Variants in EDF1 observed in about 807,000 individuals in gnomAD.
EDF1 encodes the protein endothelial differentiation related factor 1.
A neutral mutation model predicts 20.8 loss-of-function variants in EDF1; 5 were observed. The observed-to-expected ratio is 0.24, with a 90% CI of 0.13 to 0.51. The LOEUF is 0.51. EDF1 is among the 20% of genes least tolerant of loss of function. EDF1 has a pLI of 0.97. For synonymous variants in EDF1, 96 were observed against 78.5 expected (o/e 1.22, Z -1.18); for missense variants, 137 against 197.8 (o/e 0.69, Z 1.84).
chr9:136,866,206 G>T lies in EDF1; in HGVS notation c.53C>A (p.Thr18Lys). The T allele has an allele frequency of 1.2e-6, 2 of 1,601,604 alleles. No homozygotes were observed. The highest frequency in any genetic ancestry group is 1.7e-6 in the Non-Finnish European group (2 of 1,175,912). Residue 18 changes from threonine (T) to lysine (K), a missense_variant, in exon 1 of 5, where the codon ACG becomes AAG. Thr to Lys is a moderately conservative substitution (Grantham distance 78). Transcript: ENST00000224073. ...CTGCTTGGATTTGGCCTGGGCGGCC[G>T]TAGGGCCCTTCTTGCGCAGCACCGT... is the stretch of plus-strand genomic sequence containing the variant. ...TVTVLRKKGP[T>K]AAQAKSKQAI...
At position 136,862,537 on chromosome 9, in the gene EDF1, G is replaced by A. The variant is rs117303603; in HGVS notation, c.386-192C>T. ...ATGAGTCTGATCACCTTAGACAGCA[G>A]AGCATGAACACCCCTCTCCGGAAGA... On this transcript the variant is annotated intron_variant, in intron 4 of 4. Transcript: ENST00000224073. The surrounding 1 kb of genome is among the most constrained non-coding windows in gnomAD (Gnocchi z 4.1). The A allele has an allele frequency of 2.5e-4, 403 of 1,603,250 alleles. 2 individuals carry two copies. The East Asian group carries it at 7.4e-3, about 30-fold the overall frequency.
chr9:136,866,246 C>T lies in EDF1; in HGVS notation c.13G>A (p.Asp5Asn). 3 of 1,599,366 alleles carry T rather than the reference C, an allele frequency of 1.9e-6. No individual in the cohort carries two copies. The highest frequency in any genetic ancestry group is 1.7e-6 in the Non-Finnish European group (2 of 1,175,110). Residue 5 changes from aspartate (D) to asparagine (N), a missense_variant, in exon 1 of 5, where the codon GAC becomes AAC. Asp to Asn is a conservative substitution (Grantham distance 23). Transcript: ENST00000224073. MAES[D>N]WDTVTVLRKK... ...CGCAGCACCGTCACCGTGTCCCAGT[C>T]GCTCTCGGCCATGGCGGGCGAAGAC...
chr9:136,862,243 A>T lies in EDF1; in HGVS notation c.*41T>A. The T allele has an allele frequency of 6.2e-7, 1 of 1,612,398 alleles. No individual in the cohort carries two copies. Among genetic ancestry groups the T allele is most frequent in the Non-Finnish European group, 8.5e-7 (1 of 1,178,686 alleles). On this transcript the variant is annotated 3_prime_UTR_variant, in exon 5 of 5. Coordinates refer to ENST00000224073, the MANE Select transcript of EDF1 (RefSeq NM_003792.4). The surrounding 1 kb of genome is among the most constrained non-coding windows in gnomAD (Gnocchi z 4.1). ...ACTGGCGGCCAAGGGGAACCGGCGG[A>T]ACGAGATCAGCTGGAGCGCACTGAT...
In EDF1 at chr9:136,863,010, G is replaced by A. The variant is rs117762041; in HGVS notation, c.292-11C>T. On this transcript the variant is annotated splice_polypyrimidine_tract_variant and intron_variant, in intron 3 of 4. Coordinates refer to ENST00000224073, the MANE Select transcript of EDF1 (RefSeq NM_003792.4). This position sits in a 1 kb window ranked among gnomAD's most constrained non-coding sequence, Gnocchi z 4.5. ...CTTCTCATTGATTTTCTAAAGAGAA[G>A]ATGTGCTTTATACACATCAGCTCCA... The A allele has an allele frequency of 6.5e-4, 1,041 of 1,613,666 alleles. 14 individuals are homozygous for A. In the East Asian group the frequency reaches 0.021, roughly 33 times the overall value.
chr9:136,866,205 C>T lies in EDF1; in HGVS notation c.54G>A (p.Thr18=), dbSNP rs749355385. The T allele has an allele frequency of 3.0e-5, 48 of 1,601,812 alleles. No individual in the cohort carries two copies. The highest frequency in any genetic ancestry group is 3.8e-5 in the Non-Finnish European group (45 of 1,176,048). Residue 18 remains threonine (T), a synonymous_variant, in exon 1 of 5, where the codon ACG becomes ACA. Coordinates refer to ENST00000224073, the MANE Select transcript of EDF1 (RefSeq NM_003792.4). ...CCTGCTTGGATTTGGCCTGGGCGGC[C>T]GTAGGGCCCTTCTTGCGCAGCACCG... ...TVTVLRKKGP[T]AAQAKSKQAI... is the part of the protein sequence containing the mutation.
At position 136,863,706 on chromosome 9, in the gene EDF1, TGCAG is replaced by T; in HGVS notation, c.130+110_130+113del. On this transcript the variant is annotated intron_variant, in intron 2 of 4. Transcript: ENST00000224073. This position sits in a 1 kb window ranked among gnomAD's most constrained non-coding sequence, Gnocchi z 4.5. ...CTCCCAGGGCTCCGGCCAGCACCGG[TGCAG>T]GCAGGCACTCAGCTGACAACGTCCC... is the stretch of plus-strand genomic sequence containing the variant. The T allele has an allele frequency of 7.4e-7, 1 of 1,354,912 alleles. No homozygotes were observed. Among genetic ancestry groups the T allele is most frequent in the Non-Finnish European group, 1.0e-6 (1 of 961,720 alleles). The allele number at this position is 1,354,912 out of a possible 1,614,324, so 83.9% of individuals were successfully genotyped here.
intron 1 of EDF1, among the ~76,000 whole-genome samples, chr9:136,865,674 G>C (rs1464513594): frequency 5.5e-5 from 8 of 145,766 alleles, no homozygotes; most frequent in Non-Finnish European, 9.0e-5. Context: ...TCCAAGCCCT[G>C]TCCCCATCTC....
At chr9:136,864,018 T>C in intron 1 of EDF1, 147 bp from the exon 2 acceptor site, 1 of 771,592 alleles carries the variant, frequency 1.3e-6, no homozygotes, top group Non-Finnish European at 2.1e-6. Flanking sequence ...TTCAGTTACC[T>C]AAGCTCAACT....
Position 136,863,570 on chromosome 9 carries a change from GC to G in EDF1, c.131-123del. The G allele has an allele frequency of 7.6e-7, 1 of 1,317,688 alleles. No homozygotes were observed. Among genetic ancestry groups the G allele is most frequent in the South Asian group, 1.4e-5 (1 of 70,206 alleles). 81.6% of individuals were successfully genotyped at this position (1,317,688 alleles called of 1,614,324 possible). A position where few individuals can be genotyped will look rare whatever the true frequency, so the allele number is the denominator to read the frequency against. ...AACTCAAGGGGACATGGGAACCCAG[GC>G]TGTCCCAAGTTCACACACCTCAGGT... is the stretch of plus-strand genomic sequence containing the variant. On this transcript the variant is annotated intron_variant, in intron 2 of 4. Transcript: ENST00000224073. The surrounding 1 kb of genome is among the most constrained non-coding windows in gnomAD (Gnocchi z 4.5).
chr9:136,863,117 A>G lies in EDF1; in HGVS notation c.292-118T>C, dbSNP rs1248335292. 3.9e-6 allele frequency: 6 copies of G among 1,519,952 alleles called. No individual in the cohort carries two copies. The highest frequency in any genetic ancestry group is 1.8e-6 in the Non-Finnish European group (2 of 1,109,484). 94.2% of individuals were successfully genotyped at this position (1,519,952 alleles called of 1,614,324 possible). A position where few individuals can be genotyped will look rare whatever the true frequency, so the allele number is the denominator to read the frequency against. ...GCCCCTGGGGTACGCACCCACACGC[A>G]GCTGGGTTTTGTGCGAGAGGCAGTG... On this transcript the variant is annotated intron_variant, in intron 3 of 4. Transcript: ENST00000224073. The surrounding 1 kb of genome is among the most constrained non-coding windows in gnomAD (Gnocchi z 4.5).
chr9:136,862,436 G>A lies in EDF1; in HGVS notation c.386-91C>T. On this transcript the variant is annotated intron_variant, in intron 4 of 4. Coordinates refer to ENST00000224073, the MANE Select transcript of EDF1 (RefSeq NM_003792.4). The surrounding 1 kb of genome is among the most constrained non-coding windows in gnomAD (Gnocchi z 4.1). The stretch of plus-strand genomic sequence containing the variant: ...CTTCAACATCTTCCCAGGGAAGGGG[G>A]GCCACGCCGCTCCCGTGCCTCACTG... The A allele has an allele frequency of 6.2e-7, 1 of 1,613,594 alleles. No individual in the cohort carries two copies.
intron 1 of EDF1, 27 bp downstream of exon 1, chr9:136,866,154 C>G (rs1849222206): frequency 6.3e-7 from 1 of 1,582,450 alleles, no homozygotes; most frequent in African/African-American, 1.4e-5. Flanking sequence ...CCCGCCCGGC[C>G]CGGCCGCTCC....
Position 136,863,102 on chromosome 9 carries a change from T to C in EDF1, c.292-103A>G. On this transcript the variant is annotated intron_variant, in intron 3 of 4. Transcript: ENST00000224073. This position sits in a 1 kb window ranked among gnomAD's most constrained non-coding sequence, Gnocchi z 4.5. ...ACAGCAGCTTCTAGGGCCCCTGGGGTACGCACCCACACGCAGCTGGGTTTT... is the reference window on the plus strand; with the variant it reads ...ACAGCAGCTTCTAGGGCCCCTGGGGCACGCACCCACACGCAGCTGGGTTTT... 6.5e-7 allele frequency: 1 copy of C among 1,543,016 alleles called. No individual in the cohort carries two copies. Among genetic ancestry groups the C allele is most frequent in the South Asian group, 1.1e-5 (1 of 89,300 alleles).
Position 136,862,645 on chromosome 9 carries a change from C to T in EDF1, c.385+261G>A. On this transcript the variant is annotated intron_variant, in intron 4 of 4. Coordinates refer to ENST00000224073, the MANE Select transcript of EDF1 (RefSeq NM_003792.4). The surrounding 1 kb of genome is among the most constrained non-coding windows in gnomAD (Gnocchi z 4.1). ...ACCCGCTGTGCTCAGGCTCAGAGAA[C>T]CATCGCCAACAGCACAGGCTGACGG... is the stretch of plus-strand genomic sequence containing the variant. 2 of 1,497,114 alleles carry T rather than the reference C, an allele frequency of 1.3e-6. No individual in the cohort carries two copies. The highest frequency in any genetic ancestry group is 1.8e-6 in the Non-Finnish European group (2 of 1,128,912). 92.7% of individuals were successfully genotyped at this position (1,497,114 alleles called of 1,614,324 possible).
chr9:136,862,272 G>C lies in EDF1; in HGVS notation c.*12C>G. 1.2e-6 allele frequency: 2 copies of C among 1,613,902 alleles called. No individual in the cohort carries two copies. Among genetic ancestry groups the C allele is most frequent in the Non-Finnish European group, 1.7e-6 (2 of 1,179,948 alleles). On this transcript the variant is annotated 3_prime_UTR_variant, in exon 5 of 5. Coordinates refer to ENST00000224073, the MANE Select transcript of EDF1 (RefSeq NM_003792.4). This position sits in a 1 kb window ranked among gnomAD's most constrained non-coding sequence, Gnocchi z 4.1. ...AGATCAGCTGGAGCGCACTGATTTC[G>C]AGGCTTTGTGTTCATTTCGCCCTAG... is the stretch of plus-strand genomic sequence containing the variant.
chr9:136,864,710 G>A (rs1042311314), intron 1 of EDF1, among the ~76,000 whole-genome samples: 3 of 151,654 alleles, frequency 2.0e-5, no homozygotes, highest in African/African-American at 7.3e-5. Flanking sequence ...TGCAACCTTC[G>A]CCCTCCGAGT....
intron 1 of EDF1, among the ~76,000 whole-genome samples, chr9:136,865,127 G>A (rs538343422): frequency 6.6e-5 from 10 of 152,236 alleles, no homozygotes; most frequent in East Asian, 3.9e-4. Context: ...GAGCCCCAGC[G>A]CATCCTGGCC....
chr9:136,863,537 G>A lies in EDF1; in HGVS notation c.131-89C>T. On this transcript the variant is annotated intron_variant, in intron 2 of 4. Coordinates refer to ENST00000224073, the MANE Select transcript of EDF1 (RefSeq NM_003792.4). The surrounding 1 kb of genome is among the most constrained non-coding windows in gnomAD (Gnocchi z 4.5). ...TCAAAGCGGTAACCAGACCCCAGAG[G>A]CTGCCTGAACTCAAGGGGACATGGG... is the stretch of plus-strand genomic sequence containing the variant. 1 of 1,490,616 alleles carries A rather than the reference G, an allele frequency of 6.7e-7. No homozygotes were observed. The highest frequency in any genetic ancestry group is 9.0e-7 in the Non-Finnish European group (1 of 1,111,544). 92.3% of individuals were successfully genotyped at this position (1,490,616 alleles called of 1,614,324 possible).
chr9:136,865,938 G>A (rs1226824462), intron 1 of EDF1, among the ~76,000 whole-genome samples: 1 of 130,152 alleles, frequency 7.7e-6, no homozygotes, highest in Non-Finnish European at 1.6e-5. Context: ...TCCTGGGTCC[G>A]TCCATCCCCT....
Sources: allele counts gnomAD v4.1 joint callset (sites outside exome capture counted in the v4.1 genomes callset), GRCh38; gene constraint gnomAD v4.1.1; non-coding constraint Gnocchi (gnomAD v3.1); transcripts MANE v1.5; gene names NCBI Gene and HGNC (gene_info 2026-07-23, HGNC 2026-07-21).